ERC1: variants seen among roughly 807,000 people sequenced by gnomAD.
ERC1 encodes the protein RAB6 interacting protein 2.
In ERC1, 56 loss-of-function variants were observed where a neutral mutation model predicts 132.0. The observed-to-expected ratio is 0.42, with a 90% CI of 0.34 to 0.53. The LOEUF (loss-of-function observed/expected upper bound fraction) is 0.53, where lower values mean the gene tolerates loss of function less well. ERC1 is among the 20% of genes least tolerant of loss of function. ERC1 has a pLI of 0.03. For synonymous variants in ERC1, 478 were observed against 476.1 expected, an observed-to-expected ratio of 1.00 and a Z score of -0.05; for missense variants, 1,202 against 1,349.9, an observed-to-expected ratio of 0.89 and a Z score of 1.72.
At chr12:1,204,949 A>G (rs191686089) in intron 12 of ERC1, among the ~76,000 whole-genome samples, 2 of 152,160 alleles carry the variant, frequency 1.3e-5, no homozygotes, top group African/African-American at 4.8e-5. Context: ...ACTTTCAGAC[A>G]CACACACACC....
chr12:1,157,272 T>A (rs940365856), intron 8 of ERC1, among the ~76,000 whole-genome samples: 1 of 152,200 alleles, frequency 6.6e-6, no homozygotes, highest in Non-Finnish European at 1.5e-5. Flanking sequence ...GTCCAGCTAA[T>A]TTTTTAGCTT....
Position 1,388,598 on chromosome 12 carries a change from GA to G in ERC1, c.2925+16622del, listed in dbSNP as rs2089646747. On this transcript the variant is annotated intron_variant, in intron 16 of 18. Transcript: ENST00000360905. ...GTAGCTTGGACTTGCTCCTGTAGGG[GA>G]TGCCAAGCCATGGAGAGGCTTTTAG... 3.3e-5 allele frequency among the ~76,000 whole-genome samples: 5 copies of G among 152,260 alleles called. No homozygotes were observed. In the East Asian group the frequency reaches 9.7e-4, roughly 29 times the overall value.
At chr12:1,373,676 A>G (rs918961753) in intron 16 of ERC1, among the ~76,000 whole-genome samples, 1 of 152,206 alleles carries the variant, frequency 6.6e-6, no homozygotes, top group African/African-American at 2.4e-5. Context: ...GATACTTGGG[A>G]GGCTGAGGCA....
intron 1 of ERC1, among the ~76,000 whole-genome samples, chr12:1,017,540 T>C (rs566539721): frequency 1.5e-4 from 22 of 145,924 alleles, no homozygotes; most frequent in African/African-American, 5.3e-4. Flanking sequence ...CTCTGTCACC[T>C]AGGCTTGGAG....
intron 2 of ERC1, among the ~76,000 whole-genome samples, chr12:1,066,923 T>A (rs797019502): frequency 6.6e-5 from 10 of 152,140 alleles, no homozygotes; most frequent in African/African-American, 2.4e-4. Context: ...CAGTTTTAAG[T>A]TTTGTAGTTG....
chr12:1,289,562 G>C (rs1342107561), intron 14 of ERC1, among the ~76,000 whole-genome samples: 1 of 152,008 alleles, frequency 6.6e-6, no homozygotes, highest in East Asian at 1.9e-4. Flanking sequence ...TCCTTAAAAG[G>C]TATTGTCTGT....
intron 11 of ERC1, among the ~76,000 whole-genome samples, chr12:1,187,060 G>T (rs1212535053): frequency 6.6e-6 from 1 of 152,118 alleles, no homozygotes; most frequent in Non-Finnish European, 1.5e-5. Flanking sequence ...TAAACTCCTT[G>T]CCTCAGGTGA....
intron 7 of ERC1, among the ~76,000 whole-genome samples, chr12:1,138,219 TA>T (rs1422413635): frequency 8.9e-6 from 1 of 112,796 alleles, no homozygotes; most frequent in African/African-American, 4.9e-5. Context: ...TATTATATAA[TA>T]TATATCATGT....
chr12:1,167,659 A>AT (rs2154263999), intron 8 of ERC1, among the ~76,000 whole-genome samples: 1 of 150,772 alleles, frequency 6.6e-6, no homozygotes, highest in Non-Finnish European at 1.5e-5. Flanking sequence ...AAATCATGTA[A>AT]TTTTACAGAG....
rs376475740 is a variant in ERC1, at chr12:1,094,415, C to CTT, written c.1087-10324_1087-10323dup. Among the ~76,000 whole-genome samples, 249 of 137,992 alleles carry CTT rather than the reference C, an allele frequency of 1.8e-3. 1 individual carries two copies. In the East Asian group the frequency reaches 0.019, roughly 11 times the overall value. 90.5% of individuals were successfully genotyped at this position (137,992 alleles called of 152,430 possible). On this transcript the variant is annotated intron_variant, in intron 3 of 18. Coordinates refer to ENST00000360905, the MANE Select transcript of ERC1 (RefSeq NM_178040.4). ...TTTATTTAAGTTATTCCTTCTCTCTCTTTTTTTTTTTTGGCAACAGAGTCT... is the reference window on the plus strand; with the variant it reads ...TTTATTTAAGTTATTCCTTCTCTCTCTTTTTTTTTTTTTTGGCAACAGAGTCT...
At chr12:1,148,552 C>T (rs1950574874) in intron 8 of ERC1, among the ~76,000 whole-genome samples, 1 of 152,148 alleles carries the variant, frequency 6.6e-6, no homozygotes, top group South Asian at 2.1e-4. Context: ...CCAGATAGTA[C>T]AACTGTTTTC....
At chr12:1,304,330 T>C (rs2080663864) in intron 15 of ERC1, among the ~76,000 whole-genome samples, 1 of 152,314 alleles carries the variant, frequency 6.6e-6, no homozygotes, top group South Asian at 2.1e-4. Context: ...TCCTTAGATA[T>C]ATGAAAATGT....
intron 17 of ERC1, among the ~76,000 whole-genome samples, chr12:1,422,348 C>T (rs2092459691): frequency 6.6e-6 from 1 of 152,142 alleles, no homozygotes. Flanking sequence ...TGGCTTTCCC[C>T]TTCCCCCTAC....
At position 1,027,741 on chromosome 12, in the gene ERC1, A is replaced by ATTACAGAT. The variant is rs901021761; in HGVS notation, c.-156-6_-155dup. ...GGAGGATTTAATGTGTGATCTTTTC[A>ATTACAGAT]TTACAGATATGGTGTAAGATACTTC... On this transcript the variant is annotated splice_polypyrimidine_tract_variant and splice_region_variant and intron_variant, in intron 1 of 18. Coordinates refer to ENST00000360905, the MANE Select transcript of ERC1 (RefSeq NM_178040.4). The ATTACAGAT allele has an allele frequency of 3.3e-6, 2 of 608,352 alleles. No homozygotes were observed. The highest frequency in any genetic ancestry group is 5.8e-6 in the Non-Finnish European group (2 of 343,856). 37.7% of individuals were successfully genotyped at this position (608,352 alleles called of 1,614,324 possible).
At chr12:1,077,886 A>G (rs1390482227) in intron 2 of ERC1, among the ~76,000 whole-genome samples, 1 of 152,162 alleles carries the variant, frequency 6.6e-6, no homozygotes, top group Non-Finnish European at 1.5e-5. Context: ...AAATAAAGCT[A>G]GCCTGATTGT....
intron 13 of ERC1, among the ~76,000 whole-genome samples, chr12:1,240,962 T>C (rs930574036): frequency 3.9e-5 from 6 of 152,200 alleles, no homozygotes; most frequent in African/African-American, 1.2e-4. Context: ...AGTAGCTTTA[T>C]ACACGTTCCT....
chr12:1,420,920 G>T (rs1159809032), intron 17 of ERC1, among the ~76,000 whole-genome samples: 11 of 3,686 alleles, frequency 3.0e-3, no homozygotes, highest in Admixed American at 0.028. Context: ...GTTTTGGTTT[G>T]GGGGGGGGGG....
intron 17 of ERC1, among the ~76,000 whole-genome samples, chr12:1,415,748 G>A (rs767725547): frequency 6.6e-6 from 1 of 152,196 alleles, no homozygotes; most frequent in African/African-American, 2.4e-5. Context: ...TGATATGACA[G>A]ACAAGGAAGA....
At chr12:1,256,153 G>C (rs2154318661) in intron 13 of ERC1, among the ~76,000 whole-genome samples, 1 of 152,022 alleles carries the variant, frequency 6.6e-6, no homozygotes, top group East Asian at 1.9e-4. Context: ...CCCTTTGTCA[G>C]ATGGATAGAT....
Sources: gnomAD v4.1 joint callset for allele counts (sites outside exome capture counted in the v4.1 genomes callset) on GRCh38, gnomAD v4.1.1 for gene constraint, MANE v1.5 for transcripts, NCBI Gene and HGNC (gene_info 2026-07-23, HGNC 2026-07-21) for gene names.